The following CADM2 variants were observed in gnomAD, a reference collection of about 807,000 sequenced individuals.
CADM2 encodes cell adhesion molecule 2.
A neutral mutation model predicts 49.8 loss-of-function variants in CADM2; 12 were observed. The observed-to-expected ratio is 0.24, with a 90% CI of 0.15 to 0.39. The LOEUF (loss-of-function observed/expected upper bound fraction) is 0.39. Among genes scored for constraint, CADM2 ranks in the 10% least tolerant of loss-of-function variants. The pLI, the probability that CADM2 is intolerant of heterozygous loss-of-function variation, is 1.00. For missense variants in CADM2, 378 were observed against 492.3 expected, an observed-to-expected ratio of 0.77 and a Z score of 2.20; for synonymous variants, 214 against 175.4, an observed-to-expected ratio of 1.22 and a Z score of -1.74.
At chr3:86,059,898 C>G (rs1738413065) in intron 8 of CADM2, among the ~76,000 whole-genome samples, 1 of 151,928 alleles carries the variant, frequency 6.6e-6, no homozygotes, top group African/African-American at 2.4e-5. Flanking sequence ...AAAAGCATAG[C>G]CAAAAATATT....
chr3:85,917,226 T>A (rs1230692927), intron 6 of CADM2, among the ~76,000 whole-genome samples: 2 of 152,106 alleles, frequency 1.3e-5, no homozygotes, highest in Admixed American at 6.6e-5. Context: ...GGTGTTTTAG[T>A]CATGAAGTCC....
At chr3:85,408,727 T>C (rs1338521709) in intron 1 of CADM2, among the ~76,000 whole-genome samples, 1 of 152,218 alleles carries the variant, frequency 6.6e-6, no homozygotes, top group Non-Finnish European at 1.5e-5. Flanking sequence ...CATGTGCTTT[T>C]TCTTTTTAAT....
At chr3:85,477,434 A>G (rs2107620076) in intron 1 of CADM2, among the ~76,000 whole-genome samples, 1 of 152,046 alleles carries the variant, frequency 6.6e-6, no homozygotes, top group African/African-American at 2.4e-5. Flanking sequence ...CTAAGTAGTG[A>G]GAATTGTAAC....
chr3:85,343,652 G>A (rs548643091), intron 1 of CADM2, among the ~76,000 whole-genome samples: 22 of 152,266 alleles, frequency 1.4e-4, no homozygotes, highest in Middle Eastern at 3.4e-3. Context: ...AACGAGGTTT[G>A]AATAGTGTAA....
At chr3:85,328,981 T>C (rs909611385) in intron 1 of CADM2, among the ~76,000 whole-genome samples, 7 of 152,052 alleles carry the variant, frequency 4.6e-5, no homozygotes, top group African/African-American at 4.8e-5. Context: ...ATAGGCTCTT[T>C]ATAAAGGTAG....
intron 3 of CADM2, among the ~76,000 whole-genome samples, chr3:85,825,178 A>C (rs878941214): frequency 6.6e-6 from 1 of 152,146 alleles, no homozygotes; most frequent in Admixed American, 6.6e-5. Flanking sequence ...AAGCATTTAA[A>C]GTACAATTAC....
At chr3:85,301,023 A>G (rs1255229090) in intron 1 of CADM2, among the ~76,000 whole-genome samples, 1 of 152,110 alleles carries the variant, frequency 6.6e-6, no homozygotes, top group Non-Finnish European at 1.5e-5. Context: ...AGGAAGAATC[A>G]CAGGGTGAGA....
At chr3:85,038,958 T>C (rs959205240) in intron 1 of CADM2, among the ~76,000 whole-genome samples, 2 of 152,228 alleles carry the variant, frequency 1.3e-5, no homozygotes, top group African/African-American at 4.8e-5. Context: ...AAAAATGTGC[T>C]TCTAAAATTA....
intron 8 of CADM2, among the ~76,000 whole-genome samples, chr3:86,025,499 C>A (rs1733799109): frequency 6.6e-6 from 1 of 151,340 alleles, no homozygotes; most frequent in African/African-American, 2.4e-5. Context: ...TTTTTTAAAT[C>A]TTTATACAAA....
intron 1 of CADM2, among the ~76,000 whole-genome samples, chr3:85,544,114 T>TTTTTTAGTAAGTAAAA (rs2061609638): frequency 6.6e-6 from 1 of 152,006 alleles, no homozygotes; most frequent in Non-Finnish European, 1.5e-5. Context: ...AAAACTAATG[T>TTTTTTAGTAAGTAAAA]CAAGTAAGAC....
At chr3:85,400,499 G>C (rs2035044111) in intron 1 of CADM2, among the ~76,000 whole-genome samples, 1 of 152,052 alleles carries the variant, frequency 6.6e-6, no homozygotes, top group African/African-American at 2.4e-5. Context: ...TTTTTCTATT[G>C]ATTGGAGTAG....
At chr3:85,931,678 A>G (rs1411973139) in intron 6 of CADM2, among the ~76,000 whole-genome samples, 1 of 152,148 alleles carries the variant, frequency 6.6e-6, no homozygotes, top group Non-Finnish European at 1.5e-5. Context: ...ATACGTAAGA[A>G]TTAAATAAGC....
chr3:86,045,091 A>C (rs1306279599), intron 8 of CADM2, among the ~76,000 whole-genome samples: 2 of 151,840 alleles, frequency 1.3e-5, no homozygotes, highest in Non-Finnish European at 2.9e-5. Context: ...TAGCATTAGG[A>C]GATATACCTA....
chr3:85,088,601 C>G (rs1007520411), intron 1 of CADM2, among the ~76,000 whole-genome samples: 14 of 152,028 alleles, frequency 9.2e-5, no homozygotes, highest in Middle Eastern at 3.4e-3. Flanking sequence ...CAACTGCAAG[C>G]AGGTCTTTAT....
chr3:85,547,178 A>G (rs1399030210), intron 1 of CADM2, among the ~76,000 whole-genome samples: 1 of 152,052 alleles, frequency 6.6e-6, no homozygotes, highest in Non-Finnish European at 1.5e-5. Flanking sequence ...TGAAAACTGC[A>G]TTTTTTCAGG....
At chr3:86,062,075 C>A (rs1478653573) in intron 8 of CADM2, among the ~76,000 whole-genome samples, 1 of 151,850 alleles carries the variant, frequency 6.6e-6, no homozygotes, top group Non-Finnish European at 1.5e-5. Context: ...TACCATTGAT[C>A]CAGAAATACT....
intron 1 of CADM2, among the ~76,000 whole-genome samples, chr3:85,359,666 A>ATATATTTTTTTTTTTTTT: frequency 1.1e-4 from 3 of 26,556 alleles, no homozygotes; most frequent in African/African-American, 3.2e-4. Context: ...ATATATATAT[A>ATATATTTTTTTTTTTTTT]TTTTTTTTTT....
At chr3:86,043,917 A>G (rs1472774531) in intron 8 of CADM2, among the ~76,000 whole-genome samples, 2 of 152,184 alleles carry the variant, frequency 1.3e-5, no homozygotes, top group Non-Finnish European at 2.9e-5. Context: ...CATATCTACA[A>G]CCATCTGATC....
rs190957955 is a variant in CADM2, at chr3:85,422,468, G to T, written c.62-304054G>T. 2.2e-4 allele frequency among the ~76,000 whole-genome samples: 34 copies of T among 152,038 alleles called. No individual in the cohort carries two copies. In the East Asian group the frequency reaches 6.1e-3, roughly 27 times the overall value. Reference sequence around the variant, plus strand: ...AATTTTTTGTATTTTTAGTAGAGACGGGGTTTCACTGTGTTAGCCAGGATG... The same window carrying T: ...AATTTTTTGTATTTTTAGTAGAGACTGGGTTTCACTGTGTTAGCCAGGATG... On this transcript the variant is annotated intron_variant, in intron 1 of 9. Transcript: ENST00000383699.
Sources: allele counts gnomAD v4.1 joint callset (sites outside exome capture counted in the v4.1 genomes callset), GRCh38; gene constraint gnomAD v4.1.1; transcripts MANE v1.5; gene names NCBI Gene and HGNC (gene_info 2026-07-23, HGNC 2026-07-21).